The following FRMPD4 variants were observed in gnomAD, a reference collection of about 807,000 sequenced individuals.
The protein encoded by FRMPD4 is FERM and PDZ domain containing 4.
FRMPD4 carries 22 observed loss-of-function variants against 94.1 expected under a neutral mutation model. The ratio of observed to expected loss-of-function variants is 0.23; its 90% CI spans 0.17 to 0.33. FRMPD4 has a LOEUF of 0.33. Among genes scored for constraint, FRMPD4 ranks in the 10% least tolerant of loss-of-function variants. FRMPD4 has a pLI of 1.00. For missense variants in FRMPD4, 1,111 were observed against 1,339.9 expected, an observed-to-expected ratio of 0.83 and a Z score of 2.67; for synonymous variants, 631 against 548.6, an observed-to-expected ratio of 1.15 and a Z score of -2.10.
chrX:12,542,447 A>G (rs2058425903), intron 2 of FRMPD4, among the ~76,000 whole-genome samples: 1 of 111,716 alleles, frequency 9.0e-6, no homozygotes, highest in African/African-American at 3.2e-5. Context: ...ACCAATAACA[A>G]ACGGAGAGCC....
chrX:12,701,895 G>C lies in FRMPD4; in HGVS notation c.955G>C (p.Glu319Gln). ...YVQSCNDVVQERFGPELKYDI... is the reference protein window; with the variant it reads ...YVQSCNDVVQQRFGPELKYDI... The stretch of plus-strand genomic sequence containing the variant: ...GCAGAGTTGTAACGATGTGGTTCAG[G>C]AGCGATTTGGGCCGGAGCTGAAATA... The change falls in exon 10 of 17, where the codon GAG (glutamate) becomes CAG (glutamine). Residue 319 changes from glutamate (E) to glutamine (Q), a missense_variant. This residue lies in a region of FRMPD4 where 37 missense variants were observed against 101.0 expected (regional missense o/e 0.37). Transcript: ENST00000675598. The C allele has an allele frequency of 8.3e-7, 1 of 1,211,631 alleles. No homozygotes were observed.
intron 3 of FRMPD4, among the ~76,000 whole-genome samples, chrX:11,955,518 G>A (rs980502814): frequency 1.3e-4 from 14 of 110,057 alleles, no homozygotes; most frequent in African/African-American, 1.3e-4. Flanking sequence ...TTGGGAGGCC[G>A]AGGTGGGCGG....
rs886783897 is a variant in FRMPD4 at position 12,721,932 on chromosome X, A to C, written c.*74A>C. On this transcript the variant is annotated 3_prime_UTR_variant, in exon 17 of 17. Coordinates refer to ENST00000675598, the MANE Select transcript of FRMPD4 (RefSeq NM_001368397.1). ...TTTATTTACTTTGTGTGTATGATGA[A>C]CAGATGTCTCCTTTCTTCTCTCTGT... The C allele has an allele frequency of 7.3e-6, 3 of 410,438 alleles. No homozygotes were observed. In the African/African-American group the frequency reaches 8.2e-5, roughly 11 times the overall value. The allele number at this position is 410,438 out of a possible 1,213,427, so 33.8% of individuals were successfully genotyped here.
chrX:12,456,289 C>T (rs1369260416), intron 1 of FRMPD4, among the ~76,000 whole-genome samples: 1 of 111,771 alleles, frequency 8.9e-6, no homozygotes, highest in East Asian at 2.8e-4. Context: ...TTCTCTCTCC[C>T]TTTCTGTCTC....
intron 1 of FRMPD4, among the ~76,000 whole-genome samples, chrX:12,222,429 A>G (rs1269156745): frequency 8.9e-6 from 1 of 112,310 alleles, no homozygotes; most frequent in African/African-American, 3.2e-5. Flanking sequence ...CAGGCATCCC[A>G]TGAACAGTTA....
In FRMPD4 at chrX:12,542,819, C is replaced by T. The variant is rs758375721; in HGVS notation, c.158+44023C>T. Among the ~76,000 whole-genome samples, 523 of 111,785 alleles carry T rather than the reference C, an allele frequency of 4.7e-3. 6 individuals are homozygous for T. The highest frequency in any genetic ancestry group is 0.015 in the African/African-American group (472 of 30,763). The stretch of plus-strand genomic sequence containing the variant: ...CAAAAGAACAAAGCTGGAGGCATCA[C>T]GCTACCTGACTTCAAACTATACTAC... On this transcript the variant is annotated intron_variant, in intron 2 of 16. Coordinates refer to ENST00000675598, the MANE Select transcript of FRMPD4 (RefSeq NM_001368397.1).
intron 3 of FRMPD4, among the ~76,000 whole-genome samples, chrX:12,065,481 G>A (rs901686076): frequency 8.9e-6 from 1 of 112,042 alleles, no homozygotes; most frequent in Non-Finnish European, 1.9e-5. Flanking sequence ...GTTCGGGCTG[G>A]CTGACTAGAT....
chrX:12,510,091 TGTGAG>T (rs777645131), intron 2 of FRMPD4, among the ~76,000 whole-genome samples: 1 of 112,117 alleles, frequency 8.9e-6, no homozygotes, highest in South Asian at 3.7e-4. Flanking sequence ...CTGGGAATCC[TGTGAG>T]GTACAAGCAA....
intron 1 of FRMPD4, among the ~76,000 whole-genome samples, chrX:12,325,702 A>G (rs1323477182): frequency 8.9e-6 from 1 of 112,416 alleles, no homozygotes; most frequent in African/African-American, 3.2e-5. Context: ...TGTGCTAGAA[A>G]TATCAGCATT....
intron 1 of FRMPD4, among the ~76,000 whole-genome samples, chrX:12,188,945 T>C (rs1024643622): frequency 8.0e-5 from 9 of 111,879 alleles, no homozygotes; most frequent in Non-Finnish European, 5.7e-5. Context: ...TTAGAGCAGA[T>C]ACCAGTGAAA....
At chrX:12,580,630 T>C (rs2058854949) in intron 2 of FRMPD4, among the ~76,000 whole-genome samples, 1 of 111,832 alleles carries the variant, frequency 8.9e-6, no homozygotes, top group African/African-American at 3.3e-5. Flanking sequence ...ATAAAATGCC[T>C]ACGTGGTGAG....
Position 12,717,944 on chromosome X carries a change from C to T in FRMPD4, c.3118C>T (p.Pro1040Ser). ...GGCCGATGGTGAGGGGAAGGCACCC[C>T]CTAATGGGAACACAACAGGAAAAAA... ...KLADGEGKAP[P>S]NGNTTGKKQQ... Residue 1040 changes from proline to serine, a missense_variant, in exon 16 of 17, where the codon CCT becomes TCT. This residue lies in a region of FRMPD4 where 551 missense variants were observed against 591.6 expected (regional missense o/e 0.93). Coordinates refer to ENST00000675598, the MANE Select transcript of FRMPD4 (RefSeq NM_001368397.1). 1 of 1,211,186 alleles carries T rather than the reference C, an allele frequency of 8.3e-7. No homozygotes were observed. The highest frequency in any genetic ancestry group is 3.0e-5 in the East Asian group (1 of 33,848).
intron 1 of FRMPD4, among the ~76,000 whole-genome samples, chrX:12,267,554 T>C (rs1283443596): frequency 5.3e-5 from 6 of 112,845 alleles, no homozygotes; most frequent in Non-Finnish European, 1.1e-4. Context: ...AGCTGTTATT[T>C]GTCTTGTTGG....
chrX:11,895,091 C>T (rs1265598288), intron 3 of FRMPD4, among the ~76,000 whole-genome samples: 1 of 111,925 alleles, frequency 8.9e-6, no homozygotes, highest in East Asian at 2.8e-4. Context: ...TTTTCAACAA[C>T]ATGATTCTTG....
Position 12,566,191 on chromosome X carries a change from G to A in FRMPD4, c.159-43530G>A, listed in dbSNP as rs189840338. Among the ~76,000 whole-genome samples the A allele has an allele frequency of 2.7e-5, 3 of 111,626 alleles. No individual in the cohort carries two copies. The East Asian group carries it at 8.4e-4, about 31-fold the overall frequency. ...AACGAATTATGATTAAAGAGATAAT[G>A]TGAATACAATGGGCCCTTGAGAACT... On this transcript the variant is annotated intron_variant, in intron 2 of 16. Coordinates refer to ENST00000675598, the MANE Select transcript of FRMPD4 (RefSeq NM_001368397.1).
At position 12,040,764 on chromosome X, in the gene FRMPD4, C is replaced by T. The variant is rs1025355280; in HGVS notation, c.95+162746C>T. Among the ~76,000 whole-genome samples the T allele has an allele frequency of 1.9e-4, 21 of 108,808 alleles. No individual in the cohort carries two copies. The Admixed American group carries it at 2.0e-3, about 10-fold the overall frequency. 94.5% of individuals were successfully genotyped at this position (108,808 alleles called of 115,157 possible). A position where few individuals can be genotyped will look rare whatever the true frequency, so the allele number is the denominator to read the frequency against. ...CAGGATGGTCTCAATCTGCTGATCT[C>T]GTGATCCGCCCACCTCGGCCTCCCA... On this transcript the variant is annotated intron_variant, in intron 3 of 18. Coordinates refer to the FRMPD4 transcript ENST00000640291.
At chrX:12,131,282 T>C (rs888870247) in intron 3 of FRMPD4, among the ~76,000 whole-genome samples, 2 of 112,285 alleles carry the variant, frequency 1.8e-5, no homozygotes, top group Non-Finnish European at 3.8e-5. Flanking sequence ...TAAAAGTTTC[T>C]GATATTGGAT....
chrX:11,889,167 G>C (rs1009878253), intron 3 of FRMPD4, among the ~76,000 whole-genome samples: 1 of 111,996 alleles, frequency 8.9e-6, no homozygotes, highest in Non-Finnish European at 1.9e-5. Flanking sequence ...ATATGCTATA[G>C]CATTCCCAAA....
At chrX:11,850,302 C>G (rs2053613459) in intron 1 of FRMPD4, among the ~76,000 whole-genome samples, 1 of 112,283 alleles carries the variant, frequency 8.9e-6, no homozygotes, top group Non-Finnish European at 1.9e-5. Flanking sequence ...CAAGTGTTAG[C>G]TTTTAGCGAG....
Sources: allele counts gnomAD v4.1 joint callset (sites outside exome capture counted in the v4.1 genomes callset), GRCh38; gene constraint gnomAD v4.1.1; regional missense constraint gnomAD v4.1.1; transcripts MANE v1.5; gene names NCBI Gene and HGNC (gene_info 2026-07-23, HGNC 2026-07-21).